CYRIB: variants seen among roughly 807,000 people sequenced by gnomAD.
CYRIB encodes the protein CYFIP related Rac1 interactor B.
Under a neutral mutation model 44.2 loss-of-function variants are expected in CYRIB, and 8 were observed. That is an observed-to-expected ratio of 0.18 (90% CI 0.11 to 0.33). The LOEUF (loss-of-function observed/expected upper bound fraction) is 0.33, where lower values mean the gene tolerates loss of function less well. Ranked by LOEUF, CYRIB falls within the 10% of genes least tolerant of loss-of-function variation. The pLI is 1.00. For missense variants in CYRIB, 185 were observed against 382.8 expected, an observed-to-expected ratio of 0.48 and a Z score of 4.31; for synonymous variants, 131 against 127.2, an observed-to-expected ratio of 1.03 and a Z score of -0.20.
intron 4 of CYRIB, among the ~76,000 whole-genome samples, chr8:129,863,736 G>A (rs2051478315): frequency 6.6e-6 from 1 of 152,082 alleles, no homozygotes; most frequent in Non-Finnish European, 1.5e-5. Flanking sequence ...AAATCATTAA[G>A]TAATCTTTTC....
At chr8:129,877,688 G>A (rs2133789183) in intron 3 of CYRIB, among the ~76,000 whole-genome samples, 1 of 149,384 alleles carries the variant, frequency 6.7e-6, no homozygotes, top group Middle Eastern at 3.6e-3. Context: ...GTGTGTGTGT[G>A]TGTGTGTGTA....
intron 9 of CYRIB, chr8:129,850,567 GTTCT>G (rs2042734835): frequency 2.3e-6 from 1 of 434,816 alleles, no homozygotes; most frequent in African/African-American, 2.1e-5. Context: ...CACCACTTCT[GTTCT>G]GAGAAGAGAA....
chr8:129,980,211 G>C lies in CYRIB; in HGVS notation c.-295-9216C>G, dbSNP rs2096155604. ...CCACTGCACTCCAGCCCGGGCAACA[G>C]AGCAAGACTCCATCTCAAAAAAAAA... On this transcript the variant is annotated intron_variant, in intron 1 of 14. Coordinates refer to the CYRIB transcript ENST00000401979. 4.2e-5 allele frequency among the ~76,000 whole-genome samples: 5 copies of C among 118,524 alleles called. No individual in the cohort carries two copies. The Admixed American group carries it at 5.3e-4, about 13-fold the overall frequency. 77.8% of individuals were successfully genotyped at this position (118,524 alleles called of 152,430 possible). A position where few individuals can be genotyped will look rare whatever the true frequency, so the allele number is the denominator to read the frequency against.
intron 4 of CYRIB, among the ~76,000 whole-genome samples, chr8:129,866,848 T>C (rs924536196): frequency 6.6e-6 from 1 of 152,244 alleles, no homozygotes; most frequent in Non-Finnish European, 1.5e-5. Flanking sequence ...GGTTCTTCCT[T>C]ATACTTCTAA....
At position 129,911,528 on chromosome 8, in the gene CYRIB, G is replaced by A. The variant is rs151157545; in HGVS notation, c.-49-8178C>T. Among the ~76,000 whole-genome samples the A allele has an allele frequency of 8.3e-3, 1,260 of 151,994 alleles. 20 individuals carry two copies. The highest frequency in any genetic ancestry group is 0.029 in the African/African-American group (1,213 of 41,440). ...TTAAAAAAATAACCCACGGCCGGAC[G>A]CGGTGGCTCACACCTGTAATCCCAG... On this transcript the variant is annotated intron_variant, in intron 1 of 11. Transcript: ENST00000519824.
At chr8:129,999,783 C>T (rs544629263) in intron 1 of CYRIB, among the ~76,000 whole-genome samples, 10 of 152,268 alleles carry the variant, frequency 6.6e-5, no homozygotes, top group African/African-American at 1.2e-4. Context: ...AGTGCTACCA[C>T]GCCCAGATAA....
At chr8:129,891,237 A>G (rs2065262331) in intron 2 of CYRIB, among the ~76,000 whole-genome samples, 1 of 152,222 alleles carries the variant, frequency 6.6e-6, no homozygotes, top group Non-Finnish European at 1.5e-5. Context: ...GTTTCTATTA[A>G]TATCTAAGTT....
intron 2 of CYRIB, among the ~76,000 whole-genome samples, chr8:129,956,270 A>AAAT (rs1056703118): frequency 8.5e-5 from 13 of 152,052 alleles, no homozygotes; most frequent in East Asian, 1.9e-4. Flanking sequence ...ACCCCTTCTC[A>AAAT]AATAATAATA....
intron 1 of CYRIB, among the ~76,000 whole-genome samples, chr8:129,999,288 C>T (rs1190871147): frequency 6.6e-6 from 1 of 152,186 alleles, no homozygotes; most frequent in Non-Finnish European, 1.5e-5. Flanking sequence ...TCACCAGGGC[C>T]TGCAACACAC....
At position 129,915,439 on chromosome 8, in the gene CYRIB, G is replaced by A. The variant is rs1478550004; in HGVS notation, c.-49-12089C>T. ...ATATAAGATTCTAGGAGTTAAGTCT[G>A]GGCAACACAGTGAGACCCTGTTTCT... On this transcript the variant is annotated intron_variant, in intron 1 of 11. Coordinates refer to ENST00000519824, the Ensembl canonical transcript of CYRIB. Among the ~76,000 whole-genome samples the A allele has an allele frequency of 2.6e-5, 4 of 152,062 alleles. No homozygotes were observed. The East Asian group carries it at 7.7e-4, about 29-fold the overall frequency.
chr8:129,855,910 T>C (rs896093257), intron 5 of CYRIB, among the ~76,000 whole-genome samples, 163 bp from the exon 8 acceptor site: 1 of 152,242 alleles, frequency 6.6e-6, no homozygotes, highest in African/African-American at 2.4e-5. Flanking sequence ...AATGTTGCCA[T>C]TGCTAATGTA....
intron 1 of CYRIB, among the ~76,000 whole-genome samples, chr8:129,928,096 GAC>G (rs2137911960): frequency 6.6e-6 from 1 of 150,702 alleles, no homozygotes; most frequent in South Asian, 2.1e-4. Context: ...TCTTAGATAT[GAC>G]ACACACTGCA....
chr8:129,887,986 G>A (rs541075515), intron 2 of CYRIB, among the ~76,000 whole-genome samples: 4 of 152,346 alleles, frequency 2.6e-5, no homozygotes, highest in Admixed American at 6.5e-5. Flanking sequence ...GTTAAGACTT[G>A]AGGGACTGCT....
intron 1 of CYRIB, chr8:129,939,570 G>C (rs1377133609): frequency 2.0e-4 from 30 of 152,176 alleles, no homozygotes; most frequent in Admixed American, 1.9e-3. Context: ...CTAGGAGTGT[G>C]AAGGAAGAGG....
intron 1 of CYRIB, among the ~76,000 whole-genome samples, chr8:129,937,358 A>G (rs1365847873): frequency 6.6e-6 from 1 of 152,260 alleles, no homozygotes; most frequent in Non-Finnish European, 1.5e-5. Context: ...AGTAACCTCA[A>G]ATAAGTGACA....
chr8:129,982,167 C>G (rs949256927), intron 1 of CYRIB, among the ~76,000 whole-genome samples: 4 of 152,224 alleles, frequency 2.6e-5, no homozygotes, highest in African/African-American at 9.6e-5. Flanking sequence ...CAGGATCAGA[C>G]AGCCTGGTCA....
chr8:129,878,306 T>C (rs2059823540), intron 3 of CYRIB, among the ~76,000 whole-genome samples: 1 of 152,192 alleles, frequency 6.6e-6, no homozygotes, highest in African/African-American at 2.4e-5. Flanking sequence ...GAGATAGCTA[T>C]AAATTGATGT....
rs57405680 is a variant in CYRIB, at chr8:129,885,997, T to C, written c.-10-6526A>G. Among the ~76,000 whole-genome samples the C allele has an allele frequency of 4.2e-3, 641 of 152,294 alleles. 7 individuals are homozygous for C. The highest frequency in any genetic ancestry group is 0.014 in the African/African-American group (600 of 41,562). On this transcript the variant is annotated intron_variant, in intron 2 of 11. Transcript: ENST00000519824. ...TCAGTAACCATACACCCACCCTCTG[T>C]ACCTGTTTTCCTGAAGGACAACCTT... is the stretch of plus-strand genomic sequence containing the variant.
intron 1 of CYRIB, among the ~76,000 whole-genome samples, chr8:129,928,200 G>A (rs967603991): frequency 2.0e-5 from 3 of 151,856 alleles, no homozygotes; most frequent in Non-Finnish European, 4.4e-5. Flanking sequence ...ACAGCCAAGT[G>A]TGGTGGCACA....
Sources: allele counts gnomAD v4.1 joint callset (sites outside exome capture counted in the v4.1 genomes callset), GRCh38; gene constraint gnomAD v4.1.1; transcripts MANE v1.5; gene names NCBI Gene and HGNC (gene_info 2026-07-23, HGNC 2026-07-21).